Variants in FAM53B observed in about 807,000 individuals in gnomAD.
FAM53B encodes family with sequence similarity 53 member B.
In FAM53B, 12 loss-of-function variants were observed where a neutral mutation model predicts 32.7. The observed-to-expected ratio is 0.37, with a 90% CI of 0.24 to 0.59. FAM53B has a LOEUF of 0.59. FAM53B is among the 20% of genes least tolerant of loss of function. FAM53B has a pLI of 0.72. For missense variants in FAM53B, 477 were observed against 577.7 expected, an observed-to-expected ratio of 0.83 and a Z score of 1.79; for synonymous variants, 234 against 228.7, an observed-to-expected ratio of 1.02 and a Z score of -0.21.
intron 4 of FAM53B, among the ~76,000 whole-genome samples, chr10:124,668,571 C>T (rs1316855952): frequency 7.9e-5 from 12 of 152,276 alleles, no homozygotes; most frequent in African/African-American, 2.7e-4. Context: ...AGGACCTGTC[C>T]TTCCACAAGG....
chr10:124,656,773 T>C (rs1293160117), intron 4 of FAM53B, among the ~76,000 whole-genome samples: 2 of 152,054 alleles, frequency 1.3e-5, no homozygotes, highest in East Asian at 3.9e-4. Flanking sequence ...TCACAGTCTT[T>C]GAAACTGAAC....
chr10:124,671,772 G>T (rs1311754210), intron 4 of FAM53B, among the ~76,000 whole-genome samples: 2 of 147,034 alleles, frequency 1.4e-5, no homozygotes, highest in Non-Finnish European at 3.0e-5. Flanking sequence ...TTTTCCAAGA[G>T]TTTTTTTTTT....
At chr10:124,674,171 G>A (rs1033954532) in intron 4 of FAM53B, among the ~76,000 whole-genome samples, 1 of 152,208 alleles carries the variant, frequency 6.6e-6, no homozygotes, top group African/African-American at 2.4e-5. Flanking sequence ...GCGCCCTCAG[G>A]TGAGGCCTTC....
At chr10:124,704,986 T>C (rs1277487045) in intron 2 of FAM53B, among the ~76,000 whole-genome samples, 2 of 151,630 alleles carry the variant, frequency 1.3e-5, no homozygotes, top group African/African-American at 4.9e-5. Context: ...AGCTGAATGG[T>C]CACAGCAGCT....
At chr10:124,736,340 G>A (rs536473075) in intron 1 of FAM53B, among the ~76,000 whole-genome samples, 28 of 152,344 alleles carry the variant, frequency 1.8e-4, no homozygotes, top group Admixed American at 7.2e-4. Flanking sequence ...CCTACGGCCC[G>A]GTCCCCAGGA....
intron 4 of FAM53B, among the ~76,000 whole-genome samples, chr10:124,633,450 T>C (rs142460839): frequency 1.2e-4 from 18 of 152,270 alleles, no homozygotes; most frequent in African/African-American, 3.1e-4. Flanking sequence ...TTCAAGTTTT[T>C]AATGAAAAAA....
chr10:124,697,557 G>A (rs78766833), intron 2 of FAM53B, among the ~76,000 whole-genome samples: 2 of 152,090 alleles, frequency 1.3e-5, no homozygotes, highest in African/African-American at 4.8e-5. Flanking sequence ...AAGGGTCCAT[G>A]CTGACCAACC....
chr10:124,683,694 C>T (rs1282525972), intron 3 of FAM53B, among the ~76,000 whole-genome samples: 2 of 152,010 alleles, frequency 1.3e-5, no homozygotes, highest in Non-Finnish European at 2.9e-5. Flanking sequence ...AGAGCGCAGG[C>T]CCTTTTCACT....
chr10:124,660,863 G>A (rs1949626676), intron 4 of FAM53B, among the ~76,000 whole-genome samples: 2 of 152,170 alleles, frequency 1.3e-5, no homozygotes, highest in Admixed American at 1.3e-4. Context: ...CATGAAAGCA[G>A]CTGGAGACAA....
chr10:124,658,151 G>A (rs146127344), intron 4 of FAM53B, among the ~76,000 whole-genome samples: 67 of 152,334 alleles, frequency 4.4e-4, no homozygotes, highest in Middle Eastern at 3.4e-3. Flanking sequence ...GCAGAGACAG[G>A]GGCAGCGAGC....
chr10:124,726,923 GGCTGCCTGTCATGAGAATTTAAA>G (rs1313177350), intron 1 of FAM53B, among the ~76,000 whole-genome samples: 4 of 152,198 alleles, frequency 2.6e-5, no homozygotes, highest in African/African-American at 9.7e-5. Context: ...ACAGCAGCTA[GGCTGCCTGTCATGAGAATTTAAA>G]AATTACATCT....
intron 1 of FAM53B, among the ~76,000 whole-genome samples, chr10:124,734,030 C>T (rs1442241466): frequency 6.6e-6 from 1 of 152,234 alleles, no homozygotes; most frequent in Non-Finnish European, 1.5e-5. Context: ...GCTCATTCTT[C>T]AAGACTCAGG....
intron 4 of FAM53B, among the ~76,000 whole-genome samples, chr10:124,666,287 G>A (rs1204325508): frequency 6.6e-6 from 1 of 152,230 alleles, no homozygotes; most frequent in African/African-American, 2.4e-5. Flanking sequence ...GGATAGCTCT[G>A]GAACCTTCGG....
At chr10:124,731,123 C>G (rs1950139719) in intron 1 of FAM53B, among the ~76,000 whole-genome samples, 1 of 152,188 alleles carries the variant, frequency 6.6e-6, no homozygotes, top group Non-Finnish European at 1.5e-5. Context: ...CTCACAGAAC[C>G]CTATATTCTT....
rs78939590 is a variant in FAM53B at position 124,731,591 on chromosome 10, T to C, written c.-175+12422A>G. 1.1e-4 allele frequency among the ~76,000 whole-genome samples: 17 copies of C among 151,720 alleles called. No homozygotes were observed. In the East Asian group the frequency reaches 2.9e-3, roughly 26 times the overall value. ...ACAAAATCAACCTTTTTTTTTTTTT[T>C]AAGGAATCTAAGACGTTGAGCTCTA... On this transcript the variant is annotated intron_variant, in intron 1 of 4. Transcript: ENST00000337318.
rs374525624 is a variant in FAM53B, at chr10:124,681,966, G to C, written c.547C>G (p.Gln183Glu). ...CCAAATCGGTGGTGGAGTCCTGCCTGGTCGCAGGGTGAGGAGAGCACGTTG... is the reference window on the plus strand; with the variant it reads ...CCAAATCGGTGGTGGAGTCCTGCCTCGTCGCAGGGTGAGGAGAGCACGTTG... The part of the protein sequence containing the change: ...RANVLSSPCD[Q>E]AGLHHRFGGQ... Residue 183 changes from glutamine (Q) to glutamate (E), a missense_variant, in exon 4 of 5, where the codon CAG (glutamine) becomes GAG (glutamate). This residue lies in a region of FAM53B where 312 missense variants were observed against 420.2 expected (regional missense o/e 0.74). Transcript: ENST00000337318. The C allele has an allele frequency of 3.1e-6, 5 of 1,614,086 alleles. No homozygotes were observed. The highest frequency in any genetic ancestry group is 4.2e-6 in the Non-Finnish European group (5 of 1,180,020).
At position 124,729,861 on chromosome 10, in the gene FAM53B, T is replaced by C. The variant is rs116875252; in HGVS notation, c.-175+14152A>G. 1.1e-3 allele frequency among the ~76,000 whole-genome samples: 162 copies of C among 152,336 alleles called. No homozygotes were observed. The East Asian group carries it at 0.015, about 15-fold the overall frequency. ...GCCTGGGTCTGATGAACTGGAGATC[T>C]ACGCCCTCCATATTTGCCTTCACCC... On this transcript the variant is annotated intron_variant, in intron 1 of 4. Coordinates refer to ENST00000337318, the MANE Select transcript of FAM53B (RefSeq NM_014661.4).
At chr10:124,641,717 T>C (rs1003014891) in intron 4 of FAM53B, among the ~76,000 whole-genome samples, 1 of 152,134 alleles carries the variant, frequency 6.6e-6, no homozygotes, top group Admixed American at 6.5e-5. Flanking sequence ...AGAGGCCCCT[T>C]CCTTGGGAGC....
intron 1 of FAM53B, chr10:124,742,801 G>A (rs1358338011): frequency 6.6e-6 from 1 of 152,260 alleles, no homozygotes; most frequent in African/African-American, 2.4e-5. Flanking sequence ...CCCACCCCAG[G>A]ATCCCAGACC....
Sources: gnomAD v4.1 joint callset for allele counts (sites outside exome capture counted in the v4.1 genomes callset) on GRCh38, gnomAD v4.1.1 for gene constraint, gnomAD v4.1.1 regional missense constraint, MANE v1.5 for transcripts, NCBI Gene and HGNC (gene_info 2026-07-23, HGNC 2026-07-21) for gene names.